NEXMIF: variants seen among roughly 807,000 people sequenced by gnomAD.
NEXMIF encodes the protein neurite extension and migration factor.
Under a neutral mutation model 62.1 loss-of-function variants are expected in NEXMIF, and 8 were observed. That is an observed-to-expected ratio of 0.13 (90% CI 0.08 to 0.23). The LOEUF (loss-of-function observed/expected upper bound fraction) is 0.23, where lower values mean the gene tolerates loss of function less well. NEXMIF is among the 10% of genes least tolerant of loss of function. NEXMIF has a pLI of 1.00. For missense variants in NEXMIF, 976 were observed against 1,113.3 expected, an observed-to-expected ratio of 0.88 and a Z score of 1.75; for synonymous variants, 404 against 416.6, an observed-to-expected ratio of 0.97 and a Z score of 0.37.
chrX:74,814,532 C>T (rs2080369961), intron 1 of NEXMIF, among the ~76,000 whole-genome samples: 1 of 111,581 alleles, frequency 9.0e-6, no homozygotes, highest in African/African-American at 3.3e-5. Flanking sequence ...TTGCTATTTC[C>T]TGGGGGAAAC....
chrX:74,835,337 T>C (rs1189968427), intron 1 of NEXMIF, among the ~76,000 whole-genome samples: 1 of 111,516 alleles, frequency 9.0e-6, no homozygotes, highest in Non-Finnish European at 1.9e-5. Flanking sequence ...TGAGCTCATG[T>C]TTTCCTGGAT....
intron 1 of NEXMIF, among the ~76,000 whole-genome samples, chrX:74,813,694 C>T (rs753905684): frequency 5.4e-5 from 6 of 111,932 alleles, no homozygotes; most frequent in Non-Finnish European, 9.4e-5. Flanking sequence ...ATGTGAATTC[C>T]ATGAAAGCAG....
At chrX:74,752,284 A>G (rs149215688) in intron 1 of NEXMIF, among the ~76,000 whole-genome samples, 1 of 110,616 alleles carries the variant, frequency 9.0e-6, no homozygotes, top group Non-Finnish European at 1.9e-5. Flanking sequence ...ACATACCCCA[A>G]TCCTGTCAGG....
chrX:74,746,597 T>C (rs965036847), intron 1 of NEXMIF, among the ~76,000 whole-genome samples: 1 of 112,058 alleles, frequency 8.9e-6, no homozygotes, highest in African/African-American at 3.2e-5. Context: ...GCAGCTATTA[T>C]AAGAATCTCA....
chrX:74,917,644 T>G (rs2080812183), intron 1 of NEXMIF, among the ~76,000 whole-genome samples: 1 of 111,305 alleles, frequency 9.0e-6, no homozygotes, highest in Admixed American at 9.6e-5. Context: ...CATGAAGGTG[T>G]CTAGACACCA....
In NEXMIF at chrX:74,741,596, A is replaced by G. The variant is rs1602211460; in HGVS notation, c.2961T>C (p.Asp987=). 7 of 1,210,035 alleles carry G rather than the reference A, an allele frequency of 5.8e-6. No homozygotes were observed. The South Asian group carries it at 8.8e-5, about 15-fold the overall frequency. ...TTGAATCAAAGCTAAAGAGCCGACC[A>G]TCATCCATATTGACTGGCCCCTGCT... ...PFQQGPVNMD[D]GRLFSFDSMA... The change falls in exon 3 of 4, where the codon GAT becomes GAC. Residue 987 remains aspartate, a synonymous_variant. Coordinates refer to ENST00000055682, the MANE Select transcript of NEXMIF (RefSeq NM_001008537.3).
chrX:74,835,950 C>T (rs1394926654), intron 1 of NEXMIF, among the ~76,000 whole-genome samples: 1 of 112,295 alleles, frequency 8.9e-6, no homozygotes. Flanking sequence ...ATGTTCTATC[C>T]TACTAAATAG....
intron 1 of NEXMIF, among the ~76,000 whole-genome samples, chrX:74,795,316 A>G (rs970464191): frequency 1.8e-4 from 20 of 112,471 alleles, no homozygotes; most frequent in African/African-American, 6.5e-4. Context: ...ATAAACAAGT[A>G]TTCTTACAAT....
chrX:74,792,311 C>A (rs1367397907), intron 1 of NEXMIF, among the ~76,000 whole-genome samples: 2 of 108,801 alleles, frequency 1.8e-5, no homozygotes, highest in Non-Finnish European at 3.8e-5. Context: ...ATCCTGAGTT[C>A]TAGTTTGATT....
chrX:74,773,572 A>G (rs1219347457), intron 1 of NEXMIF, among the ~76,000 whole-genome samples: 1 of 111,203 alleles, frequency 9.0e-6, no homozygotes, highest in African/African-American at 3.3e-5. Flanking sequence ...ATGCTGCTCT[A>G]TACAATCAAG....
At chrX:74,877,979 C>A (rs1381669533) in intron 1 of NEXMIF, among the ~76,000 whole-genome samples, 1 of 112,436 alleles carries the variant, frequency 8.9e-6, no homozygotes, top group Admixed American at 9.4e-5. Context: ...CTGAAGCCTT[C>A]TTCTCTCAGC....
At chrX:74,817,463 G>T (rs184335489) in intron 1 of NEXMIF, among the ~76,000 whole-genome samples, 38 of 111,613 alleles carry the variant, frequency 3.4e-4, no homozygotes, top group African/African-American at 1.1e-3. Flanking sequence ...TTTAAATACA[G>T]TCCATATACT....
At chrX:74,820,792 T>C (rs1448284500) in intron 1 of NEXMIF, among the ~76,000 whole-genome samples, 2 of 111,557 alleles carry the variant, frequency 1.8e-5, no homozygotes, top group African/African-American at 6.5e-5. Context: ...AAATACCACA[T>C]ATTCTCACTT....
chrX:74,740,546 G>A lies in NEXMIF; in HGVS notation c.4011C>T (p.Ser1337=). Residue 1337 remains serine (S), a synonymous_variant, in exon 3 of 4, where the codon TCC becomes TCT. Transcript: ENST00000055682. Reference sequence around the variant, plus strand: ...CCATGGGTTCCCAAAGGGGCTCTATGGAGGCCATCATGAATCTCTGCACAT... The same window carrying A: ...CCATGGGTTCCCAAAGGGGCTCTATAGAGGCCATCATGAATCTCTGCACAT... ...MADVQRFMMA[S]IEPLWEPMEH... is the part of the protein sequence containing the mutation. The A allele has an allele frequency of 2.5e-6, 3 of 1,211,680 alleles. No homozygotes were observed. In the South Asian group the frequency reaches 5.3e-5, roughly 21 times the overall value.
chrX:74,840,034 G>A (rs2080469072), intron 1 of NEXMIF, among the ~76,000 whole-genome samples: 1 of 111,810 alleles, frequency 8.9e-6, no homozygotes, highest in Non-Finnish European at 1.9e-5. Flanking sequence ...CTCACCAATA[G>A]TGTATAAGTG....
chrX:74,864,781 T>C (rs1473732279), intron 1 of NEXMIF, among the ~76,000 whole-genome samples: 1 of 110,724 alleles, frequency 9.0e-6, no homozygotes, highest in Non-Finnish European at 1.9e-5. Context: ...TGATCTTGGC[T>C]CAATGCAACC....
At chrX:74,906,429 G>A (rs138256163) in intron 1 of NEXMIF, among the ~76,000 whole-genome samples, 1,169 of 110,971 alleles carry the variant, frequency 0.011, 17 homozygotes, top group African/African-American at 0.035. Context: ...TTTAACAAGT[G>A]GACCTATTAC....
chrX:74,786,129 C>T (rs937302207), intron 1 of NEXMIF, among the ~76,000 whole-genome samples: 4 of 111,500 alleles, frequency 3.6e-5, no homozygotes, highest in African/African-American at 9.8e-5. Context: ...TTCCACTGAG[C>T]GAGGGAAATG....
chrX:74,843,829 T>C (rs2080482282), intron 1 of NEXMIF, among the ~76,000 whole-genome samples: 1 of 112,414 alleles, frequency 8.9e-6, no homozygotes, highest in Non-Finnish European at 1.9e-5. Context: ...CATTGTGCTG[T>C]TAGCTGGTTA....
Sources: allele counts gnomAD v4.1 joint callset (sites outside exome capture counted in the v4.1 genomes callset), GRCh38; gene constraint gnomAD v4.1.1; transcripts MANE v1.5; gene names NCBI Gene and HGNC (gene_info 2026-07-23, HGNC 2026-07-21).